The following FGR variants were observed in gnomAD, a reference collection of about 807,000 sequenced individuals.
The protein encoded by FGR is tyrosine-protein kinase Fgr.
FGR carries 26 observed loss-of-function variants against 63.2 expected under a neutral mutation model. The ratio of observed to expected loss-of-function variants is 0.41; its 90% CI spans 0.30 to 0.57. The LOEUF (loss-of-function observed/expected upper bound fraction) is 0.57, where lower values mean the gene tolerates loss of function less well. Among genes scored for constraint, FGR ranks in the 20% least tolerant of loss-of-function variants. The probability of loss-of-function intolerance (pLI) is 0.27; values close to 1 mark genes in which losing one functional copy is unlikely to be tolerated. For missense variants in FGR, 511 were observed against 690.8 expected (o/e 0.74, Z 2.92); for synonymous variants, 286 against 277.7 (o/e 1.03, Z -0.30).
chr1:27,634,716 G>A (rs923437710), intron 1 of FGR, among the ~76,000 whole-genome samples: 1 of 149,978 alleles, frequency 6.7e-6, no homozygotes, highest in Non-Finnish European at 1.5e-5. Context: ...CCCCCAGACC[G>A]TCCTGGGGAT....
intron 1 of FGR, chr1:27,626,536 T>A (rs1032013064): frequency 4.4e-5 from 10 of 226,922 alleles, no homozygotes; most frequent in Non-Finnish European, 7.7e-5. Context: ...TGCTTTGGTC[T>A]CCACCCTAGC....
chr1:27,630,765 T>G lies in FGR; in HGVS notation c.-77+4300A>C, dbSNP rs1332752696. Among the ~76,000 whole-genome samples the G allele has an allele frequency of 2.0e-5, 3 of 152,112 alleles. No individual in the cohort carries two copies. In the East Asian group the frequency reaches 5.8e-4, roughly 29 times the overall value. On this transcript the variant is annotated intron_variant, in intron 1 of 12. Coordinates refer to ENST00000374005, the MANE Select transcript of FGR (RefSeq NM_005248.3). Reference sequence around the variant, plus strand: ...TGGTTCTGTTTATAAATATGTCTCTTGAACATCTGGTTTACAGGAGTCGCC... The same window carrying G: ...TGGTTCTGTTTATAAATATGTCTCTGGAACATCTGGTTTACAGGAGTCGCC...
At chr1:27,633,085 A>G (rs1195350608) in intron 1 of FGR, among the ~76,000 whole-genome samples, 1 of 151,986 alleles carries the variant, frequency 6.6e-6, no homozygotes, top group African/African-American at 2.4e-5. Context: ...TCACACCCTC[A>G]CTGGAGGAGG....
Position 27,617,381 on chromosome 1 carries a change from C to T in FGR, c.429-85G>A, listed in dbSNP as rs1044364407. Reference sequence around the variant, plus strand: ...TGCACAGTCACCTCACAAGCCAAGACTCCATTTTCCCCATGTGTAAAATGG... The same window carrying T: ...TGCACAGTCACCTCACAAGCCAAGATTCCATTTTCCCCATGTGTAAAATGG... On this transcript the variant is annotated intron_variant, in intron 5 of 12. Coordinates refer to ENST00000374005, the MANE Select transcript of FGR (RefSeq NM_005248.3). The surrounding 1 kb of genome is among the most constrained non-coding windows in gnomAD (Gnocchi z 4.5). The T allele has an allele frequency of 2.1e-6, 2 of 935,272 alleles. No individual in the cohort carries two copies. The highest frequency in any genetic ancestry group is 2.4e-5 in the East Asian group (1 of 41,016). The allele number at this position is 935,272 out of a possible 1,614,324, so 57.9% of individuals were successfully genotyped here.
chr1:27,615,517 A>G lies in FGR; in HGVS notation c.935T>C (p.Leu312Pro). Residue 312 changes from leucine to proline, a missense_variant, in exon 9 of 13, where the codon CTG becomes CCG. By Grantham distance (98) the Leu-to-Pro change is moderately conservative. Coordinates refer to ENST00000374005, the MANE Select transcript of FGR (RefSeq NM_005248.3). This position sits in a 1 kb window ranked among gnomAD's most constrained non-coding sequence, Gnocchi z 7.6. ...AFLEEAQVMKLLRHDKLVQLY... is the reference protein window; with the variant it reads ...AFLEEAQVMKPLRHDKLVQLY... ...CTGCACCAGCTTGTCGTGCCGCAGC[A>G]GCTTCATGACCTGCGCCTCCTCCAG... 6.2e-7 allele frequency: 1 copy of G among 1,613,902 alleles called. No individual in the cohort carries two copies.
chr1:27,618,277 G>A (rs899520743), intron 5 of FGR, among the ~76,000 whole-genome samples: 21 of 152,074 alleles, frequency 1.4e-4, no homozygotes, highest in African/African-American at 3.1e-4. Context: ...GCTCCCACAC[G>A]CATGACATTA....
At chr1:27,624,902 G>T (rs1472717330) in intron 2 of FGR, among the ~76,000 whole-genome samples, 187 bp downstream of exon 2, 2 of 152,128 alleles carry the variant, frequency 1.3e-5, no homozygotes, top group African/African-American at 4.8e-5. Flanking sequence ...TGCAGAGGGG[G>T]ATCAAGGCCA....
chr1:27,626,071 T>C (rs1294865296), intron 1 of FGR: 2 of 398,588 alleles, frequency 5.0e-6, no homozygotes, highest in Non-Finnish European at 8.8e-6. Flanking sequence ...CCTATCCCCA[T>C]ACCAGAGAAA....
In FGR at chr1:27,613,035, G is replaced by T. The variant is rs2148522718; in HGVS notation, c.1469C>A (p.Ala490Asp). ...GTCCAGACGCCAGGTCTGTTCCATGGCCTCGTACAGGGATGCTGGGCAGCC... is the reference window on the plus strand; with the variant it reads ...GTCCAGACGCCAGGTCTGTTCCATGTCCTCGTACAGGGATGCTGGGCAGCC... ...PPGCPASLYE[A>D]MEQTWRLDPE... The change falls in exon 13 of 13, where the codon GCC (alanine) becomes GAC (aspartate). Residue 490 changes from alanine (A) to aspartate (D), a missense_variant. Transcript: ENST00000374005. The T allele has an allele frequency of 6.2e-7, 1 of 1,614,204 alleles. No individual in the cohort carries two copies. Among genetic ancestry groups the T allele is most frequent in the Non-Finnish European group, 8.5e-7 (1 of 1,180,024 alleles).
intron 4 of FGR, among the ~76,000 whole-genome samples, chr1:27,622,487 T>G (rs776387520): frequency 8.6e-5 from 13 of 151,834 alleles, no homozygotes; most frequent in Non-Finnish European, 1.6e-4. Context: ...TCTATTCATT[T>G]TTATTTTTTA....
chr1:27,634,897 C>A (rs1056260039), intron 1 of FGR, among the ~76,000 whole-genome samples, 168 bp downstream of exon 1: 47 of 152,186 alleles, frequency 3.1e-4, no homozygotes, highest in Non-Finnish European at 1.9e-4. Flanking sequence ...CCGTTTTCCT[C>A]CTTAGGCCTT....
At position 27,612,730 on chromosome 1, in the gene FGR, T is replaced by C; in HGVS notation, c.*184A>G. ...GCCAGAGCGGATGAGAGATCAGCTC[T>C]GGGCCTCCTTTTGCCCCATCTGTAA... On this transcript the variant is annotated 3_prime_UTR_variant, in exon 13 of 13. Coordinates refer to ENST00000374005, the MANE Select transcript of FGR (RefSeq NM_005248.3). 1 of 603,260 alleles carries C rather than the reference T, an allele frequency of 1.7e-6. No individual in the cohort carries two copies. The highest frequency in any genetic ancestry group is 2.8e-5 in the East Asian group (1 of 35,998). 37.4% of individuals were successfully genotyped at this position (603,260 alleles called of 1,614,324 possible).
Position 27,615,714 on chromosome 1 carries a change from G to A in FGR, c.813C>T (p.Thr271=). 6.2e-7 allele frequency: 1 copy of A among 1,606,106 alleles called. No homozygotes were observed. Among genetic ancestry groups the A allele is most frequent in the South Asian group, 1.1e-5 (1 of 90,564 alleles). ...CCAGCCACACATCCCCGAAGCAGCC[G>A]GTGCCCAGCCGGCGCTCCAGCGTGA... ...SSITLERRLG[T]GCFGDVWLGT... The change falls in exon 8 of 13, where the codon ACC becomes ACT. Residue 271 remains threonine (T), a synonymous_variant. Transcript: ENST00000374005. The surrounding 1 kb of genome is among the most constrained non-coding windows in gnomAD (Gnocchi z 7.6).
chr1:27,618,009 A>C (rs1419231797), intron 5 of FGR, among the ~76,000 whole-genome samples: 1 of 152,152 alleles, frequency 6.6e-6, no homozygotes, highest in African/African-American at 2.4e-5. Flanking sequence ...GCCATAGAAG[A>C]CTCAGATGAT....
At chr1:27,634,945 G>A (rs1467827234) in intron 1 of FGR, 120 bp downstream of exon 1, 1 of 152,466 alleles carries the variant, frequency 6.6e-6, no homozygotes, top group Non-Finnish European at 1.5e-5. Context: ...CCTTGCTCAT[G>A]TGTCCCCCGA....
chr1:27,620,605 C>T (rs1172111130), intron 5 of FGR, among the ~76,000 whole-genome samples: 3 of 151,828 alleles, frequency 2.0e-5, no homozygotes, highest in Admixed American at 6.6e-5. Context: ...CATCAGAGCA[C>T]GCCCCTGTCT....
At chr1:27,621,389 A>G (rs1412098608) in intron 5 of FGR, among the ~76,000 whole-genome samples, 170 bp downstream of exon 5, 1 of 152,210 alleles carries the variant, frequency 6.6e-6, no homozygotes, top group East Asian at 1.9e-4. Context: ...TCTATTATCT[A>G]CTATTATTAT....
intron 1 of FGR, among the ~76,000 whole-genome samples, chr1:27,629,358 G>A (rs1287016887): frequency 6.6e-6 from 1 of 152,172 alleles, no homozygotes; most frequent in Non-Finnish European, 1.5e-5. Flanking sequence ...GAACTCCCCT[G>A]AGCCAGTAAG....
chr1:27,631,086 A>C (rs2090098567), intron 1 of FGR, among the ~76,000 whole-genome samples: 1 of 152,008 alleles, frequency 6.6e-6, no homozygotes, highest in Admixed American at 6.5e-5. Context: ...TTACCACTCC[A>C]CCTTCTCTTT....
Sources: gnomAD v4.1 joint callset for allele counts (sites outside exome capture counted in the v4.1 genomes callset) on GRCh38, gnomAD v4.1.1 for gene constraint, Gnocchi (gnomAD v3.1) non-coding constraint, MANE v1.5 for transcripts, NCBI Gene and HGNC (gene_info 2026-07-23, HGNC 2026-07-21) for gene names.